Variants in CPE observed in about 807,000 individuals in gnomAD.
CPE encodes carbocypeptidase E.
Under a neutral mutation model 53.5 loss-of-function variants are expected in CPE, and 17 were observed. The observed-to-expected ratio is 0.32, with a 90% CI of 0.22 to 0.48. The LOEUF (loss-of-function observed/expected upper bound fraction) is 0.48. Among genes scored for constraint, CPE ranks in the 20% least tolerant of loss-of-function variants. The pLI, the probability that CPE is intolerant of heterozygous loss-of-function variation, is 0.99. For synonymous variants in CPE, 226 were observed against 228.8 expected, an observed-to-expected ratio of 0.99 and a Z score of 0.11; for missense variants, 524 against 614.7, an observed-to-expected ratio of 0.85 and a Z score of 1.56.
chr4:165,379,172 A>C lies in CPE; in HGVS notation c.-50A>C, dbSNP rs11552516. The C allele has an allele frequency of 8.2e-7, 1 of 1,213,496 alleles. No individual in the cohort carries two copies. Among genetic ancestry groups the C allele is most frequent in the Non-Finnish European group, 1.0e-6 (1 of 976,814 alleles). The allele number at this position is 1,213,496 out of a possible 1,614,324, so 75.2% of individuals were successfully genotyped here. A position where few individuals can be genotyped will look rare whatever the true frequency, so the allele number is the denominator to read the frequency against. On this transcript the variant is annotated 5_prime_UTR_variant, in exon 1 of 9. Transcript: ENST00000402744. The surrounding 1 kb of genome is among the most constrained non-coding windows in gnomAD (Gnocchi z 6.0). ...GCTAAGCCCAGGGCCGGGCAGACAA[A>C]AGAGGCCGCCCGCGTAGGAAGGCAC...
intron 3 of CPE, among the ~76,000 whole-genome samples, chr4:165,477,566 C>G (rs1320948836): frequency 1.3e-5 from 2 of 152,122 alleles, no homozygotes; most frequent in Non-Finnish European, 2.9e-5. Flanking sequence ...TGTTATTATA[C>G]ATTCCTCTTC....
Position 165,467,830 on chromosome 4 carries a change from A to C in CPE, c.647A>C (p.Lys216Thr), listed in dbSNP as rs1438997516. 6.2e-7 allele frequency: 1 copy of C among 1,613,766 alleles called. No homozygotes were observed. Among genetic ancestry groups the C allele is most frequent in the Admixed American group, 1.7e-5 (1 of 59,984 alleles). ...AATAATCATCTGTTGAAAAATATGAAGAAAATTGTGGATCAAAACACAAAG... is the reference window on the plus strand; with the variant it reads ...AATAATCATCTGTTGAAAAATATGACGAAAATTGTGGATCAAAACACAAAG... ...GPNNHLLKNM[K>T]KIVDQNTKLA... Residue 216 changes from lysine (K) to threonine (T), a missense_variant, in exon 3 of 9, where the codon AAG (lysine) becomes ACG (threonine). Lys to Thr is a moderately conservative substitution (Grantham distance 78). Transcript: ENST00000402744.
intron 7 of CPE, among the ~76,000 whole-genome samples, chr4:165,493,848 G>T (rs1732654476): frequency 6.6e-6 from 1 of 152,144 alleles, no homozygotes; most frequent in African/African-American, 2.4e-5. Flanking sequence ...TCCCCAGTTT[G>T]AGGAAAATGA....
Position 165,487,484 on chromosome 4 carries a change from C to A in CPE, c.1020C>A (p.Thr340=), listed in dbSNP as rs369913068. The A allele has an allele frequency of 6.2e-7, 1 of 1,614,040 alleles. No homozygotes were observed. The highest frequency in any genetic ancestry group is 8.5e-7 in the Non-Finnish European group (1 of 1,179,998). The change falls in exon 6 of 9, where the codon ACC becomes ACA. Residue 340 remains threonine (T), a synonymous_variant. Transcript: ENST00000402744. ...NYLSSNCFEI[T]VELSCEKFPP... ...TTAGCAGCAACTGTTTTGAGATCAC[C>A]GTGGAGCTTAGCTGTGAGAAGTTCC...
intron 1 of CPE, chr4:165,405,460 A>T: frequency 1.2e-6 from 1 of 853,226 alleles, no homozygotes; most frequent in Admixed American, 1.7e-5. Context: ...TTATTTTCAG[A>T]GGTGTGGGAT....
At chr4:165,386,407 A>G (rs1198876458) in intron 1 of CPE, 2 of 400,000 alleles carry the variant, frequency 5.0e-6, no homozygotes, top group Non-Finnish European at 9.7e-6. Flanking sequence ...TGTTTGAATA[A>G]ATGAAATTTC....
intron 3 of CPE, among the ~76,000 whole-genome samples, chr4:165,476,268 G>A (rs1436606657): frequency 6.6e-6 from 1 of 152,142 alleles, no homozygotes. Context: ...TTGACTTGGG[G>A]CTTTATAGGT....
chr4:165,424,348 T>C (rs1429224744), intron 1 of CPE, among the ~76,000 whole-genome samples: 1 of 151,942 alleles, frequency 6.6e-6, no homozygotes, highest in African/African-American at 2.4e-5. Flanking sequence ...CGTTGTAGAA[T>C]TAGTTATTTT....
chr4:165,414,528 C>A (rs1212065302), intron 1 of CPE, among the ~76,000 whole-genome samples: 1 of 152,122 alleles, frequency 6.6e-6, no homozygotes, highest in African/African-American at 2.4e-5. Flanking sequence ...TATTCTCCTG[C>A]ATAAATTATA....
chr4:165,470,204 A>G (rs1396181150), intron 3 of CPE, among the ~76,000 whole-genome samples: 4 of 152,192 alleles, frequency 2.6e-5, no homozygotes, highest in Non-Finnish European at 4.4e-5. Context: ...GAAGAGGGCC[A>G]AGCAGGCAAC....
At chr4:165,476,947 C>T (rs951288875) in intron 3 of CPE, among the ~76,000 whole-genome samples, 7 of 152,200 alleles carry the variant, frequency 4.6e-5, no homozygotes, top group Admixed American at 3.9e-4. Flanking sequence ...TGGTAAACCA[C>T]GAGGGCTGAG....
rs760378219 is a variant in CPE at position 165,487,485 on chromosome 4, G to A, written c.1021G>A (p.Val341Met). The A allele has an allele frequency of 2.4e-5, 38 of 1,613,978 alleles. No homozygotes were observed. Among genetic ancestry groups the A allele is most frequent in the Admixed American group, 5.0e-5 (3 of 60,000 alleles). ...TAGCAGCAACTGTTTTGAGATCACC[G>A]TGGAGCTTAGCTGTGAGAAGTTCCC... is the stretch of plus-strand genomic sequence containing the variant. ...YLSSNCFEIT[V>M]ELSCEKFPPE... The change falls in exon 6 of 9, where the codon GTG becomes ATG. Residue 341 changes from valine (V) to methionine (M), a missense_variant. Transcript: ENST00000402744.
chr4:165,444,108 G>C (rs1206063430), intron 1 of CPE, among the ~76,000 whole-genome samples: 1 of 152,138 alleles, frequency 6.6e-6, no homozygotes, highest in Non-Finnish European at 1.5e-5. Context: ...AATGGACCAA[G>C]CCAGGCGTCA....
chr4:165,399,502 G>A (rs1408384536), intron 1 of CPE, among the ~76,000 whole-genome samples: 1 of 152,140 alleles, frequency 6.6e-6, no homozygotes, highest in Admixed American at 6.5e-5. Flanking sequence ...CTCCTGAGTA[G>A]CTGGGACTAC....
chr4:165,397,506 C>G (rs1730787817), intron 1 of CPE, among the ~76,000 whole-genome samples: 1 of 152,330 alleles, frequency 6.6e-6, no homozygotes, highest in African/African-American at 2.4e-5. Context: ...TAGCTCCTCT[C>G]TTCCCTTCTT....
At chr4:165,426,597 G>A (rs1256825711) in intron 1 of CPE, among the ~76,000 whole-genome samples, 1 of 152,144 alleles carries the variant, frequency 6.6e-6, no homozygotes, top group Non-Finnish European at 1.5e-5. Flanking sequence ...AATTGTGTAG[G>A]CTGCCTCCAA....
At chr4:165,428,959 A>G (rs552163619) in intron 1 of CPE, among the ~76,000 whole-genome samples, 2 of 152,304 alleles carry the variant, frequency 1.3e-5, no homozygotes, top group Non-Finnish European at 2.9e-5. Flanking sequence ...GGATTAGGGC[A>G]TGGATATCTG....
chr4:165,387,326 C>T (rs1363823472), intron 1 of CPE, among the ~76,000 whole-genome samples: 2 of 152,096 alleles, frequency 1.3e-5, no homozygotes, highest in African/African-American at 2.4e-5. Flanking sequence ...AACAACTTTC[C>T]ACTACTGGTA....
intron 1 of CPE, among the ~76,000 whole-genome samples, chr4:165,400,907 C>G (rs1730855959): frequency 6.6e-6 from 1 of 152,176 alleles, no homozygotes; most frequent in Non-Finnish European, 1.5e-5. Flanking sequence ...CCAACATATT[C>G]AGTGTTCCTG....
Sources: gnomAD v4.1 joint callset for allele counts (sites outside exome capture counted in the v4.1 genomes callset) on GRCh38, gnomAD v4.1.1 for gene constraint, Gnocchi (gnomAD v3.1) non-coding constraint, MANE v1.5 for transcripts, NCBI Gene and HGNC (gene_info 2026-07-23, HGNC 2026-07-21) for gene names.